Variants in DLG1 observed in about 807,000 individuals in gnomAD.
The protein encoded by DLG1 is discs large MAGUK scaffold protein 1.
In DLG1, 42 loss-of-function variants were observed where a neutral mutation model predicts 123.4. That is an observed-to-expected ratio of 0.34 (90% CI 0.27 to 0.44). The LOEUF (loss-of-function observed/expected upper bound fraction) is 0.44, where lower values mean the gene tolerates loss of function less well. Among genes scored for constraint, DLG1 ranks in the 20% least tolerant of loss-of-function variants. DLG1 has a pLI of 1.00. For missense variants in DLG1, 942 were observed against 1,082.6 expected (o/e 0.87, Z 1.82); for synonymous variants, 317 against 356.2 (o/e 0.89, Z 1.24).
At chr3:197,092,626 T>G (rs983811182) in intron 14 of DLG1, among the ~76,000 whole-genome samples, 2 of 152,114 alleles carry the variant, frequency 1.3e-5, no homozygotes, top group African/African-American at 4.8e-5. Context: ...GCCTTCCGAG[T>G]AGGTGAGACC....
chr3:197,146,709 T>C (rs1331071373), intron 6 of DLG1, among the ~76,000 whole-genome samples: 1 of 149,104 alleles, frequency 6.7e-6, no homozygotes, highest in Non-Finnish European at 1.5e-5. Flanking sequence ...GAAGATAACA[T>C]CAGAAAACCC....
At chr3:197,207,668 C>T (rs1729292217) in intron 4 of DLG1, among the ~76,000 whole-genome samples, 1 of 151,936 alleles carries the variant, frequency 6.6e-6, no homozygotes, top group Non-Finnish European at 1.5e-5. Flanking sequence ...GGTACAAGAA[C>T]AGAAAGATTA....
chr3:197,168,105 T>C (rs573569954), intron 5 of DLG1, among the ~76,000 whole-genome samples: 1 of 152,336 alleles, frequency 6.6e-6, no homozygotes, highest in East Asian at 1.9e-4. Flanking sequence ...TCCTTTAATG[T>C]TACATTTTAA....
At chr3:197,162,305 G>A (rs1799121910) in intron 5 of DLG1, among the ~76,000 whole-genome samples, 1 of 152,064 alleles carries the variant, frequency 6.6e-6, no homozygotes, top group East Asian at 1.9e-4. Context: ...AACGTAGAGA[G>A]AACCTGGTAT....
chr3:197,106,878 G>T (rs897683296), intron 13 of DLG1, among the ~76,000 whole-genome samples: 11 of 151,966 alleles, frequency 7.2e-5, no homozygotes, highest in African/African-American at 2.4e-4. Flanking sequence ...GAAATAATTC[G>T]CATACCATAG....
chr3:197,290,715 G>A (rs1774414049), intron 3 of DLG1, among the ~76,000 whole-genome samples: 1 of 151,944 alleles, frequency 6.6e-6, no homozygotes, highest in Non-Finnish European at 1.5e-5. Flanking sequence ...AGGAGTTCGA[G>A]ACCAGCCTGG....
At chr3:197,202,642 G>C (rs1726383908) in intron 4 of DLG1, among the ~76,000 whole-genome samples, 1 of 152,172 alleles carries the variant, frequency 6.6e-6, no homozygotes, top group Admixed American at 6.5e-5. Context: ...TTCTTAAAGT[G>C]GCAATCAAGG....
chr3:197,173,848 A>T (rs1199753164), intron 5 of DLG1, among the ~76,000 whole-genome samples: 1 of 152,232 alleles, frequency 6.6e-6, no homozygotes, highest in Admixed American at 6.5e-5. Flanking sequence ...TGCCTGTAAT[A>T]ATCCCAACAC....
At chr3:197,131,706 G>A (rs2149550294) in intron 10 of DLG1, among the ~76,000 whole-genome samples, 1 of 138,904 alleles carries the variant, frequency 7.2e-6, no homozygotes, top group Non-Finnish European at 1.5e-5. Flanking sequence ...CCATTCTCCT[G>A]CCTCAGCCTC....
intron 24 of DLG1, among the ~76,000 whole-genome samples, 160 bp from the exon 25 acceptor site, chr3:197,044,889 A>T (rs988381192): frequency 6.6e-6 from 1 of 152,226 alleles, no homozygotes; most frequent in East Asian, 1.9e-4. Context: ...GGCTCACTTC[A>T]TTAATTTTCC....
At chr3:197,274,488 G>C (rs1765427032) in intron 4 of DLG1, among the ~76,000 whole-genome samples, 1 of 151,338 alleles carries the variant, frequency 6.6e-6, no homozygotes, top group Non-Finnish European at 1.5e-5. Flanking sequence ...GACCTGAAAA[G>C]ATACAATACG....
At chr3:197,288,682 T>C (rs562799586) in intron 3 of DLG1, among the ~76,000 whole-genome samples, 16 of 133,826 alleles carry the variant, frequency 1.2e-4, no homozygotes, top group Admixed American at 3.4e-4. Flanking sequence ...GATCAAGCCA[T>C]TGCACTCCAG....
intron 18 of DLG1, chr3:197,070,481 C>T (rs1012645566): frequency 2.0e-5 from 3 of 151,100 alleles, no homozygotes; most frequent in African/African-American, 7.3e-5. Context: ...GTCTCAAACT[C>T]CTGGCCTCAA....
At chr3:197,281,871 C>T (rs1482379792) in intron 4 of DLG1, among the ~76,000 whole-genome samples, 1 of 152,182 alleles carries the variant, frequency 6.6e-6, no homozygotes, top group Non-Finnish European at 1.5e-5. Flanking sequence ...TTACTTAAAA[C>T]TGAGAAGCCA....
intron 4 of DLG1, among the ~76,000 whole-genome samples, chr3:197,244,854 G>A (rs1750824462): frequency 1.3e-5 from 2 of 152,064 alleles, no homozygotes; most frequent in African/African-American, 2.4e-5. Context: ...GGTGGCATCT[G>A]TACTAAAAAG....
In DLG1 at chr3:197,220,008, T is replaced by C. The variant is rs78406156; in HGVS notation, c.319-25419A>G. ...TTAAAAAACATTACTATGTACACTG[T>C]AGAATTTAATACTCTAAAAAGTTTT... is the stretch of plus-strand genomic sequence containing the variant. On this transcript the variant is annotated intron_variant, in intron 4 of 24. Transcript: ENST00000667157. Among the ~76,000 whole-genome samples, 178 of 152,338 alleles carry C rather than the reference T, an allele frequency of 1.2e-3. 1 individual carries two copies. The East Asian group carries it at 0.031, about 27-fold the overall frequency.
intron 4 of DLG1, among the ~76,000 whole-genome samples, chr3:197,196,450 C>G (rs1288554364): frequency 6.6e-6 from 1 of 152,090 alleles, no homozygotes; most frequent in Non-Finnish European, 1.5e-5. Context: ...CATAGAAAAC[C>G]TAACACAGTT....
chr3:197,274,482 T>G (rs1219491626), intron 4 of DLG1, among the ~76,000 whole-genome samples: 1 of 151,592 alleles, frequency 6.6e-6, no homozygotes, highest in South Asian at 2.1e-4. Flanking sequence ...ATCTAAGACC[T>G]GAAAAGATAC....
At position 197,277,281 on chromosome 3, in the gene DLG1, T is replaced by A. The variant is rs986141223; in HGVS notation, c.318+5398A>T. Among the ~76,000 whole-genome samples the A allele has an allele frequency of 2.6e-5, 4 of 151,942 alleles. No individual in the cohort carries two copies. In the South Asian group the frequency reaches 8.3e-4, roughly 31 times the overall value. ...ATTGTGATGTTAGGAGTAGGGTGCA[T>A]CCTTTTCTACTGAAATGTCCCATTA... On this transcript the variant is annotated intron_variant, in intron 4 of 24. Transcript: ENST00000667157.
Sources: allele counts gnomAD v4.1 joint callset (sites outside exome capture counted in the v4.1 genomes callset), GRCh38; gene constraint gnomAD v4.1.1; transcripts MANE v1.5; gene names NCBI Gene and HGNC (gene_info 2026-07-23, HGNC 2026-07-21).